The following BDH1 variants were observed in gnomAD, a reference collection of about 807,000 sequenced individuals.
The protein encoded by BDH1 is 3-hydroxybutyrate dehydrogenase 1.
A neutral mutation model predicts 33.1 loss-of-function variants in BDH1; 30 were observed. The ratio of observed to expected loss-of-function variants is 0.91; its 90% CI spans 0.68 to 1.23. The LOEUF is 1.23. BDH1 is among the 50% of genes most tolerant of loss of function. BDH1 has a pLI of 0.00. For synonymous variants in BDH1, 190 were observed against 183.6 expected (o/e 1.03, Z -0.28); for missense variants, 443 against 464.4 (o/e 0.95, Z 0.42).
chr3:197,565,207 C>T (rs1382768537), intron 1 of BDH1, among the ~76,000 whole-genome samples: 1 of 152,146 alleles, frequency 6.6e-6, no homozygotes, highest in East Asian at 1.9e-4. Flanking sequence ...CAGCCATGAG[C>T]CGCCGCACCC....
intron 3 of BDH1, among the ~76,000 whole-genome samples, chr3:197,535,860 C>T (rs770451729): frequency 1.3e-5 from 2 of 151,968 alleles, no homozygotes; most frequent in African/African-American, 4.8e-5. Context: ...GCCCGGGCAA[C>T]ATGGCGAAAC....
rs117349659 is a variant in BDH1, at chr3:197,520,733, C to T, written c.409+1907G>A. ...TTATGAAGGAAAATATAGCAGCTGC[C>T]CAGGGAAGGTGGGAGGGAGGAGAAT... is the stretch of plus-strand genomic sequence containing the variant. On this transcript the variant is annotated intron_variant, in intron 6 of 7. Coordinates refer to ENST00000392379, the MANE Select transcript of BDH1 (RefSeq NM_203314.3). This position sits in a 1 kb window ranked among gnomAD's most constrained non-coding sequence, Gnocchi z 6.0. 0.018 allele frequency among the ~76,000 whole-genome samples: 2,664 copies of T among 152,140 alleles called. 50 individuals carry two copies. The highest frequency in any genetic ancestry group is 0.1 in the East Asian group (517 of 5,166).
At position 197,540,161 on chromosome 3, in the gene BDH1, G is replaced by A. The variant is rs780625153; in HGVS notation, c.83+6200C>T. Among the ~76,000 whole-genome samples the A allele has an allele frequency of 2.6e-5, 4 of 151,700 alleles. No individual in the cohort carries two copies. The East Asian group carries it at 5.9e-4, about 22-fold the overall frequency. On this transcript the variant is annotated intron_variant, in intron 3 of 7. Coordinates refer to ENST00000392379, the MANE Select transcript of BDH1 (RefSeq NM_203314.3). Reference sequence around the variant, plus strand: ...CGCCTCCCGGGTTCAAGCAATTCTCGTGCCTCTGGCTCCCAAGTAGCTGGG... The same window carrying A: ...CGCCTCCCGGGTTCAAGCAATTCTCATGCCTCTGGCTCCCAAGTAGCTGGG...
rs1461753249 is a variant in BDH1, at chr3:197,522,769, C to T, written c.280G>A (p.Asp94Asn). The T allele has an allele frequency of 2.5e-6, 4 of 1,614,044 alleles. No homozygotes were observed. In the Middle Eastern group the frequency reaches 5.0e-4, roughly 200 times the overall value. Residue 94 changes from aspartate (D) to asparagine (N), a missense_variant, in exon 6 of 8, where the codon GAT (aspartate) becomes AAT (asparagine). By Grantham distance (23) the Asp-to-Asn change is conservative (BLOSUM62 1). Coordinates refer to ENST00000392379, the MANE Select transcript of BDH1 (RefSeq NM_203314.3). The surrounding 1 kb of genome is among the most constrained non-coding windows in gnomAD (Gnocchi z 4.8). ...AGCLMKDKGH[D>N]GVKELDSLNS... ...AGGCTGTCCAGCTCCTTGACCCCAT[C>T]ATGGCCTTTGTCCTGGGGAGGAGAG...
Position 197,525,146 on chromosome 3 carries a change from G to C in BDH1, c.268-2365C>G, listed in dbSNP as rs1456384281. ...CCAAGAAAGAACTAATGCATCTTCA[G>C]GTCTAGGGTGTGATGACGTGGTGCC... On this transcript the variant is annotated intron_variant, in intron 5 of 7. Coordinates refer to ENST00000392379, the MANE Select transcript of BDH1 (RefSeq NM_203314.3). The surrounding 1 kb of genome is among the most constrained non-coding windows in gnomAD (Gnocchi z 4.9). Among the ~76,000 whole-genome samples, 2 of 152,172 alleles carry C rather than the reference G, an allele frequency of 1.3e-5. No homozygotes were observed. The highest frequency in any genetic ancestry group is 4.8e-5 in the African/African-American group (2 of 41,438).
At chr3:197,563,581 T>G (rs939242110) in intron 1 of BDH1, among the ~76,000 whole-genome samples, 3 of 152,208 alleles carry the variant, frequency 2.0e-5, no homozygotes, top group African/African-American at 7.2e-5. Context: ...TAGGTGAATG[T>G]AATACTTGTA....
At chr3:197,572,856 T>C (rs6764170) in intron 1 of BDH1, among the ~76,000 whole-genome samples, 3,718 of 152,266 alleles carry the variant, frequency 0.024, 69 homozygotes, top group Non-Finnish European at 0.035. Context: ...ATATCTAATG[T>C]ATTACAACAA....
intron 3 of BDH1, among the ~76,000 whole-genome samples, chr3:197,536,055 A>G (rs917311536): frequency 6.6e-6 from 1 of 152,152 alleles, no homozygotes; most frequent in Non-Finnish European, 1.5e-5. Context: ...CAAAAAAAAA[A>G]AAAGTTTTAT....
intron 3 of BDH1, among the ~76,000 whole-genome samples, chr3:197,541,464 A>G (rs1003588774): frequency 1.6e-4 from 24 of 152,222 alleles, no homozygotes; most frequent in African/African-American, 5.1e-4. Flanking sequence ...TTGCAAATGA[A>G]ATACCATGTC....
At chr3:197,535,919 C>A (rs900267658) in intron 3 of BDH1, among the ~76,000 whole-genome samples, 13 of 152,030 alleles carry the variant, frequency 8.6e-5, no homozygotes, top group Non-Finnish European at 1.2e-4. Flanking sequence ...GTGGCTCACG[C>A]CTTTAAGTCC....
rs1440101717 is a variant in BDH1 at position 197,510,606 on chromosome 3, GTGTGTGTGTGTGT to G, written c.*1276_*1288del. 1.6e-4 allele frequency: 4 copies of G among 24,450 alleles called. No individual in the cohort carries two copies. Among genetic ancestry groups the G allele is most frequent in the Middle Eastern group, 0.02 (1 of 50 alleles). 1.5% of individuals were successfully genotyped at this position (24,450 alleles called of 1,614,324 possible). A position where few individuals can be genotyped will look rare whatever the true frequency, so the allele number is the denominator to read the frequency against. ...GAAGCCCTGCAGAACAGGGGTGTGT[GTGTGTGTGTGTGT>G]GTGTGTGTGTGTGTGTGTGTGTGTG... On this transcript the variant is annotated 3_prime_UTR_variant, in exon 8 of 8. Coordinates refer to ENST00000392379, the MANE Select transcript of BDH1 (RefSeq NM_203314.3).
upstream of BDH1, among the ~76,000 whole-genome samples, chr3:197,559,969 T>C (rs1717208010): frequency 6.6e-6 from 1 of 152,210 alleles, no homozygotes; most frequent in Admixed American, 6.5e-5. Context: ...TCCCTCCCCC[T>C]ACTGTAAAAC....
chr3:197,533,759 G>A, intron 3 of BDH1, 198 bp from the exon 4 acceptor site: 1 of 584,544 alleles, frequency 1.7e-6, no homozygotes. Context: ...GGCTATGTTT[G>A]CCACTGTCCA....
rs181188866 is a variant in BDH1, at chr3:197,550,015, A to G, written c.-43-3529T>C. On this transcript the variant is annotated intron_variant, in intron 2 of 7. Coordinates refer to ENST00000392379, the MANE Select transcript of BDH1 (RefSeq NM_203314.3). ...GCCATTCCTCTTCCGAACATTTCGT[A>G]GAGTCTTGCTTGAAAGTTCCAACCC... Among the ~76,000 whole-genome samples the G allele has an allele frequency of 1.6e-3, 240 of 152,052 alleles. 2 individuals carry two copies. Among genetic ancestry groups the G allele is most frequent in the Admixed American group, 3.9e-3 (60 of 15,294 alleles).
chr3:197,558,193 G>A (rs149943608), upstream of BDH1, among the ~76,000 whole-genome samples: 215 of 152,134 alleles, frequency 1.4e-3, 2 homozygotes, highest in African/African-American at 4.9e-3. Context: ...GTATGAACAG[G>A]TGTAACCTGA....
intron 3 of BDH1, chr3:197,543,346 G>C (rs1715815485): frequency 3.9e-6 from 1 of 253,470 alleles, no homozygotes; most frequent in South Asian, 1.5e-4. Context: ...AACTAGGATA[G>C]GGGAGGCAAG....
At position 197,522,915 on chromosome 3, in the gene BDH1, C is replaced by T; in HGVS notation, c.268-134G>A. ...AGGCATACTGGCAACTGCCCATGGGCCTGGCCCACCAGCATGCGGTTCTTT... is the reference window on the plus strand; with the variant it reads ...AGGCATACTGGCAACTGCCCATGGGTCTGGCCCACCAGCATGCGGTTCTTT... On this transcript the variant is annotated intron_variant, in intron 5 of 7. Transcript: ENST00000392379. This position sits in a 1 kb window ranked among gnomAD's most constrained non-coding sequence, Gnocchi z 4.8. 8 of 1,009,408 alleles carry T rather than the reference C, an allele frequency of 7.9e-6. No homozygotes were observed. Among genetic ancestry groups the T allele is most frequent in the Non-Finnish European group, 8.6e-6 (6 of 696,204 alleles). 62.5% of individuals were successfully genotyped at this position (1,009,408 alleles called of 1,614,324 possible).
In BDH1 at chr3:197,520,544, G is replaced by C. The variant is rs899547744; in HGVS notation, c.409+2096C>G. ...AGTGATTCTGCCCCAGAGTCAGGGG[G>C]GCAGGGGACGAGGACCGCCAGCCTG... On this transcript the variant is annotated intron_variant, in intron 6 of 7. Coordinates refer to ENST00000392379, the MANE Select transcript of BDH1 (RefSeq NM_203314.3). This position sits in a 1 kb window ranked among gnomAD's most constrained non-coding sequence, Gnocchi z 6.0. Among the ~76,000 whole-genome samples, 1 of 152,086 alleles carries C rather than the reference G, an allele frequency of 6.6e-6. No homozygotes were observed. The highest frequency in any genetic ancestry group is 2.4e-5 in the African/African-American group (1 of 41,424).
chr3:197,534,055 A>C (rs1430057015), intron 3 of BDH1: 1 of 154,246 alleles, frequency 6.5e-6, no homozygotes, highest in Admixed American at 6.4e-5. Context: ...GTAGATTCAC[A>C]TGCAATTAAG....
Sources: allele counts gnomAD v4.1 joint callset (sites outside exome capture counted in the v4.1 genomes callset), GRCh38; gene constraint gnomAD v4.1.1; non-coding constraint Gnocchi (gnomAD v3.1); transcripts MANE v1.5; gene names NCBI Gene and HGNC (gene_info 2026-07-23, HGNC 2026-07-21).